CREG1: variants seen among roughly 807,000 people sequenced by gnomAD.
The protein encoded by CREG1 is cellular repressor of E1A stimulated genes 1.
Under a neutral mutation model 19.9 loss-of-function variants are expected in CREG1, and 20 were observed. The observed-to-expected ratio is 1.01, with a 90% CI of 0.71 to 1.46. The LOEUF (loss-of-function observed/expected upper bound fraction) is 1.46, where lower values mean the gene tolerates loss of function less well. CREG1 is among the 40% of genes most tolerant of loss of function. The pLI, the probability that CREG1 is intolerant of heterozygous loss-of-function variation, is 0.00. For synonymous variants in CREG1, 141 were observed against 143.3 expected, an observed-to-expected ratio of 0.98 and a Z score of 0.12; for missense variants, 290 against 314.9, an observed-to-expected ratio of 0.92 and a Z score of 0.60.
intron 2 of CREG1, 141 bp downstream of exon 2, chr1:167,547,861 C>A: frequency 1.2e-6 from 1 of 814,038 alleles, no homozygotes; most frequent in Non-Finnish European, 1.8e-6. Context: ...GCAGAGGTTG[C>A]AGTAAGCCGA....
intron 1 of CREG1, among the ~76,000 whole-genome samples, chr1:167,551,584 A>C (rs1159970044): frequency 1.3e-5 from 2 of 152,192 alleles, no homozygotes; most frequent in Non-Finnish European, 2.9e-5. Flanking sequence ...GGACAATAAT[A>C]CCAGCAACTC....
intron 1 of CREG1, among the ~76,000 whole-genome samples, chr1:167,550,667 G>C (rs967587317): frequency 2.0e-5 from 3 of 152,126 alleles, no homozygotes; most frequent in African/African-American, 7.2e-5. Context: ...GCTTGTTTCA[G>C]GAGGAAGAAG....
chr1:167,545,813 A>T (rs1378953833), intron 3 of CREG1, among the ~76,000 whole-genome samples: 1 of 152,186 alleles, frequency 6.6e-6, no homozygotes, highest in East Asian at 1.9e-4. Flanking sequence ...TTGAAAAAAA[A>T]AGAAAAAGTA....
intron 1 of CREG1, among the ~76,000 whole-genome samples, chr1:167,553,123 T>C (rs1656448870): frequency 6.6e-6 from 1 of 150,916 alleles, no homozygotes; most frequent in Admixed American, 6.6e-5. Flanking sequence ...TGAGAACCAC[T>C]CACGGATGAG....
rs190699693 is a variant in CREG1 at position 167,546,551 on chromosome 1, A to T, written c.475-266T>A. Among the ~76,000 whole-genome samples the T allele has an allele frequency of 2.6e-3, 403 of 152,294 alleles. 2 individuals are homozygous for T. Among genetic ancestry groups the T allele is most frequent in the African/African-American group, 9.0e-3 (376 of 41,564 alleles). On this transcript the variant is annotated intron_variant, in intron 2 of 3. Coordinates refer to ENST00000370509, the MANE Select transcript of CREG1 (RefSeq NM_003851.3). Reference sequence around the variant, plus strand: ...CAGCTACTCAGGAGGCTGAGGCAGGAAAATGGCATGAACCCGGGAGGCGGA... The same window carrying T: ...CAGCTACTCAGGAGGCTGAGGCAGGTAAATGGCATGAACCCGGGAGGCGGA...
intron 3 of CREG1, among the ~76,000 whole-genome samples, chr1:167,543,018 C>T (rs1383865383): frequency 6.6e-6 from 1 of 152,046 alleles, no homozygotes; most frequent in Admixed American, 6.6e-5. Context: ...GAGGCCGAGG[C>T]GGGCAGATCA....
chr1:167,549,200 G>C (rs973424174), intron 1 of CREG1, among the ~76,000 whole-genome samples: 1 of 152,114 alleles, frequency 6.6e-6, no homozygotes, highest in Non-Finnish European at 1.5e-5. Flanking sequence ...GCTTTCCTAC[G>C]GGAGGAGCCT....
chr1:167,542,788 T>C (rs1656248465), intron 3 of CREG1, among the ~76,000 whole-genome samples: 1 of 152,136 alleles, frequency 6.6e-6, no homozygotes, highest in African/African-American at 2.4e-5. Flanking sequence ...AGGGAATCCA[T>C]CTCTAGGTAT....
At chr1:167,553,036 G>T (rs950419031) in intron 1 of CREG1, among the ~76,000 whole-genome samples, 1 of 134,206 alleles carries the variant, frequency 7.5e-6, no homozygotes, top group African/African-American at 2.8e-5. Flanking sequence ...CACAAAGTGA[G>T]ATTCTGTCTC....
intron 1 of CREG1, among the ~76,000 whole-genome samples, chr1:167,552,001 C>G (rs1249148203): frequency 6.6e-6 from 1 of 152,150 alleles, no homozygotes. Context: ...AAAGTAAAAT[C>G]TAAATTTTAA....
intron 3 of CREG1, 85 bp from the exon 4 acceptor site, chr1:167,542,386 TA>T: frequency 7.8e-7 from 1 of 1,289,014 alleles, no homozygotes; most frequent in Non-Finnish European, 1.1e-6. Flanking sequence ...AAGGACTAGA[TA>T]AAATTTCTGA....
In CREG1 at chr1:167,542,432, A is replaced by T. The variant is rs1247772408; in HGVS notation, c.660-131T>A. On this transcript the variant is annotated intron_variant, in intron 3 of 3. Transcript: ENST00000370509. ...AGATTTTCAGTTCATTTCAACCACT[A>T]GAATATACTAAATAACCACTTGGGT... 3 of 838,104 alleles carry T rather than the reference A, an allele frequency of 3.6e-6. No homozygotes were observed. The African/African-American group carries it at 5.2e-5, about 15-fold the overall frequency. 51.9% of individuals were successfully genotyped at this position (838,104 alleles called of 1,614,324 possible).
intron 3 of CREG1, among the ~76,000 whole-genome samples, chr1:167,545,457 A>C (rs1412303136): frequency 1.3e-5 from 2 of 152,234 alleles, no homozygotes; most frequent in Non-Finnish European, 2.9e-5. Context: ...AAATAGAGAA[A>C]TCACAGATAC....
In CREG1 at chr1:167,546,279, C is replaced by T; in HGVS notation, c.481G>A (p.Glu161Lys). The T allele has an allele frequency of 6.3e-7, 1 of 1,589,526 alleles. No individual in the cohort carries two copies. Among genetic ancestry groups the T allele is most frequent in the East Asian group, 2.2e-5 (1 of 44,612 alleles). ...TGCTTTGCAATATCCATTTCTGTTT[C>T]ATTCACCTAAAGGACATATATGAAA... ...MLSGTVTKVN[E>K]TEMDIAKHSL... Residue 161 changes from glutamate to lysine, a missense_variant, in exon 3 of 4, where the codon GAA (glutamate) becomes AAA (lysine). Coordinates refer to ENST00000370509, the MANE Select transcript of CREG1 (RefSeq NM_003851.3).
At position 167,541,410 on chromosome 1, in the gene CREG1, A is replaced by G. The variant is rs1250486810; in HGVS notation, c.*888T>C. The G allele has an allele frequency of 1.3e-5, 2 of 152,190 alleles. No homozygotes were observed. Among genetic ancestry groups the G allele is most frequent in the Non-Finnish European group, 2.9e-5 (2 of 68,040 alleles). 9.4% of individuals were successfully genotyped at this position (152,190 alleles called of 1,614,324 possible). On this transcript the variant is annotated 3_prime_UTR_variant, in exon 4 of 4. Transcript: ENST00000370509. The stretch of plus-strand genomic sequence containing the variant: ...TTAGGTAATTGTTAAGAGTAGAAGT[A>G]TTTTTAAAAAGCTGTGGAGAGTGGT...
intron 3 of CREG1, among the ~76,000 whole-genome samples, chr1:167,543,159 A>T (rs1427063488): frequency 1.3e-5 from 2 of 151,966 alleles, no homozygotes; most frequent in Non-Finnish European, 2.9e-5. Context: ...AGGCAGGAGA[A>T]TGGCATGAAC....
At chr1:167,547,414 C>T (rs1656347741) in intron 2 of CREG1, among the ~76,000 whole-genome samples, 1 of 152,192 alleles carries the variant, frequency 6.6e-6, no homozygotes, top group Admixed American at 6.5e-5. Flanking sequence ...CAACCAGATG[C>T]TCTTTAGTAA....
Position 167,548,050 on chromosome 1 carries a change from T to C in CREG1, c.426A>G (p.Pro142=). ...TNFCKKHGFD[P]QSPLCVHIML... ...TTATGTGAACACAAAGGGGACTTTGTGGATCAAATCCATGTTTCTTGCAGA... is the reference window on the plus strand; with the variant it reads ...TTATGTGAACACAAAGGGGACTTTGCGGATCAAATCCATGTTTCTTGCAGA... The change falls in exon 2 of 4, where the codon CCA becomes CCG. Residue 142 remains proline (P), a synonymous_variant. Transcript: ENST00000370509. The C allele has an allele frequency of 3.7e-6, 6 of 1,613,994 alleles. No individual in the cohort carries two copies. Among genetic ancestry groups the C allele is most frequent in the Non-Finnish European group, 5.1e-6 (6 of 1,179,830 alleles).
chr1:167,546,032 C>A (rs1656312955), intron 3 of CREG1, 69 bp downstream of exon 3: 2 of 1,377,664 alleles, frequency 1.5e-6, no homozygotes, highest in South Asian at 1.5e-5. Context: ...GTTAAACCCC[C>A]CTTGCCTTAG....
Sources: allele counts gnomAD v4.1 joint callset (sites outside exome capture counted in the v4.1 genomes callset), GRCh38; gene constraint gnomAD v4.1.1; transcripts MANE v1.5; gene names NCBI Gene and HGNC (gene_info 2026-07-23, HGNC 2026-07-21).